Variants in TNPO1 observed in about 807,000 individuals in gnomAD.
The protein encoded by TNPO1 is transportin 1.
A neutral mutation model predicts 119.5 loss-of-function variants in TNPO1; 8 were observed. The observed-to-expected ratio is 0.07, with a 90% CI of 0.04 to 0.12. The LOEUF (loss-of-function observed/expected upper bound fraction) is 0.12, where lower values mean the gene tolerates loss of function less well. TNPO1 is among the 10% of genes least tolerant of loss of function. The pLI is 1.00. For missense variants in TNPO1, 576 were observed against 1,089.8 expected (o/e 0.53, Z 6.64); for synonymous variants, 362 against 363.0 (o/e 1.00, Z 0.03).
intron 24 of TNPO1, among the ~76,000 whole-genome samples, chr5:72,907,037 G>A (rs1579951075): frequency 6.6e-6 from 1 of 152,100 alleles, no homozygotes; most frequent in Non-Finnish European, 1.5e-5. Flanking sequence ...TTTAAATCTG[G>A]AAAGATTTCA....
chr5:72,891,335 G>A (rs1212492647), intron 14 of TNPO1, among the ~76,000 whole-genome samples: 1 of 151,924 alleles, frequency 6.6e-6, no homozygotes, highest in African/African-American at 2.4e-5. Context: ...TGTGGTGGGG[G>A]GTGCCTGTAG....
At chr5:72,882,681 G>A (rs1323870691) in intron 10 of TNPO1, among the ~76,000 whole-genome samples, 154 bp downstream of exon 10, 1 of 152,008 alleles carries the variant, frequency 6.6e-6, no homozygotes, top group Non-Finnish European at 1.5e-5. Context: ...TTTAAGTAAT[G>A]ATAAATTCTT....
Position 72,888,135 on chromosome 5 carries a change from G to C in TNPO1, c.1361G>C (p.Cys454Ser). The change falls in exon 13 of 25, where the codon TGC (cysteine) becomes TCC (serine). Residue 454 changes from cysteine to serine, a missense_variant. By Grantham distance (112) the Cys-to-Ser change is moderately radical. Around this residue, in one of 6 missense-constraint regions of TNPO1, gnomAD observed 310 missense variants for 583.0 expected, o/e 0.53. Coordinates refer to ENST00000337273, the MANE Select transcript of TNPO1 (RefSeq NM_002270.4). ...GAGCTTATTCCTCACCTTATTCAGT[G>C]CCTCTCTGATAAAAAGGCTCTTGTG... ...LPELIPHLIQ[C>S]LSDKKALVRS... 6.2e-7 allele frequency: 1 copy of C among 1,614,088 alleles called. No homozygotes were observed. The highest frequency in any genetic ancestry group is 8.5e-7 in the Non-Finnish European group (1 of 1,180,030).
At chr5:72,849,816 G>A (rs1464592573) in intron 2 of TNPO1, among the ~76,000 whole-genome samples, 3 of 152,156 alleles carry the variant, frequency 2.0e-5, no homozygotes, top group African/African-American at 7.2e-5. Flanking sequence ...ATAGTTCTAG[G>A]GATGATAGAA....
At chr5:72,899,790 T>C (rs1162957012) in intron 20 of TNPO1, among the ~76,000 whole-genome samples, 1 of 152,216 alleles carries the variant, frequency 6.6e-6, no homozygotes, top group East Asian at 1.9e-4. Context: ...TGTTTTTCTT[T>C]TTCCAAGAGT....
intron 1 of TNPO1, among the ~76,000 whole-genome samples, chr5:72,841,278 C>T (rs1275350067): frequency 6.6e-6 from 1 of 152,082 alleles, no homozygotes. Flanking sequence ...CTACCACACC[C>T]AGCTAATGTT....
intron 20 of TNPO1, among the ~76,000 whole-genome samples, chr5:72,897,831 TAAGATGA>T (rs1424976109): frequency 6.6e-6 from 1 of 152,108 alleles, no homozygotes; most frequent in Non-Finnish European, 1.5e-5. Flanking sequence ...CTTTACATAC[TAAGATGA>T]TTCCCATAAT....
intron 12 of TNPO1, 26 bp from the exon 13 acceptor site, chr5:72,888,052 T>G: frequency 6.3e-7 from 1 of 1,595,102 alleles, no homozygotes; most frequent in Non-Finnish European, 8.6e-7. Flanking sequence ...AATTTTAGCA[T>G]TTTGAAAGAT....
chr5:72,848,243 C>T, intron 1 of TNPO1, 142 bp from the exon 2 acceptor site: 3 of 1,286,284 alleles, frequency 2.3e-6, no homozygotes, highest in Non-Finnish European at 3.0e-6. Flanking sequence ...TTCGGGGCAC[C>T]TCAGGCAGGT....
At chr5:72,870,263 C>T (rs773636665) in intron 6 of TNPO1, among the ~76,000 whole-genome samples, 19 of 143,736 alleles carry the variant, frequency 1.3e-4, no homozygotes, top group Admixed American at 4.5e-4. Context: ...CAGGTTCAAG[C>T]GATTCTCCTG....
intron 6 of TNPO1, among the ~76,000 whole-genome samples, chr5:72,869,718 G>C (rs1747232845): frequency 6.6e-6 from 1 of 152,016 alleles, no homozygotes; most frequent in African/African-American, 2.4e-5. Context: ...ATGCTTCTGG[G>C]GGAATATTTT....
chr5:72,873,593 A>T (rs1363775491), intron 7 of TNPO1, among the ~76,000 whole-genome samples: 1 of 152,158 alleles, frequency 6.6e-6, no homozygotes, highest in Non-Finnish European at 1.5e-5. Context: ...TGGAACAGAT[A>T]CTGTGTTTGA....
rs992746398 is a variant in TNPO1 at position 72,913,980 on chromosome 5, T to G, written c.*5307T>G. 2.0e-5 allele frequency: 3 copies of G among 152,596 alleles called. No individual in the cohort carries two copies. The highest frequency in any genetic ancestry group is 7.2e-5 in the African/African-American group (3 of 41,458). The allele number at this position is 152,596 out of a possible 1,614,324, so 9.5% of individuals were successfully genotyped here. ...TATGTTAACATTGGGTGCAATAATT[T>G]AGTAGCATTAGCTTTAGTTACAAAT... On this transcript the variant is annotated 3_prime_UTR_variant, in exon 25 of 25. Coordinates refer to ENST00000337273, the MANE Select transcript of TNPO1 (RefSeq NM_002270.4).
chr5:72,884,974 G>A lies in TNPO1; in HGVS notation c.1150+1742G>A, dbSNP rs114993868. On this transcript the variant is annotated intron_variant, in intron 11 of 24. Transcript: ENST00000337273. ...AAGTGTTGGGATTTCTAATAACTAT[G>A]ATTAAAGCAGTTAAGAACAGACATT... Among the ~76,000 whole-genome samples, 451 of 152,296 alleles carry A rather than the reference G, an allele frequency of 3.0e-3. 2 individuals carry two copies. The highest frequency in any genetic ancestry group is 0.01 in the African/African-American group (429 of 41,560).
chr5:72,834,815 C>T (rs890726034), intron 1 of TNPO1, among the ~76,000 whole-genome samples: 2 of 152,210 alleles, frequency 1.3e-5, no homozygotes, highest in Non-Finnish European at 2.9e-5. Context: ...GTCCTATAAG[C>T]TCCATTCATG....
chr5:72,872,054 CTG>C (rs1419996992), intron 6 of TNPO1, among the ~76,000 whole-genome samples: 6 of 152,076 alleles, frequency 3.9e-5, no homozygotes, highest in African/African-American at 1.4e-4. Flanking sequence ...ATAGTGTGGT[CTG>C]TGTGTGTCAA....
chr5:72,844,994 C>G (rs1745068967), intron 1 of TNPO1, among the ~76,000 whole-genome samples: 1 of 151,974 alleles, frequency 6.6e-6, no homozygotes, highest in Non-Finnish European at 1.5e-5. Flanking sequence ...CAGTAACTCA[C>G]CACTTGCAGG....
chr5:72,823,362 A>G (rs1249223647), intron 1 of TNPO1, among the ~76,000 whole-genome samples: 2 of 152,014 alleles, frequency 1.3e-5, no homozygotes, highest in South Asian at 2.1e-4. Flanking sequence ...CTGGCCTCTC[A>G]CTTCCTAGAC....
At chr5:72,855,273 T>TAA (rs60214940) in intron 3 of TNPO1, among the ~76,000 whole-genome samples, 18 of 146,428 alleles carry the variant, frequency 1.2e-4, no homozygotes, top group African/African-American at 2.0e-4. Flanking sequence ...CGCCCAGCCT[T>TAA]AAAAAAAAAA....
Sources: gnomAD v4.1 joint callset for allele counts (sites outside exome capture counted in the v4.1 genomes callset) on GRCh38, gnomAD v4.1.1 for gene constraint, gnomAD v4.1.1 regional missense constraint, MANE v1.5 for transcripts, NCBI Gene and HGNC (gene_info 2026-07-23, HGNC 2026-07-21) for gene names.